The following PRKN variants were observed in gnomAD, a reference collection of about 807,000 sequenced individuals.
The protein encoded by PRKN is E3 ubiquitin-protein ligase parkin.
A neutral mutation model predicts 59.5 loss-of-function variants in PRKN; 56 were observed. That is an observed-to-expected ratio of 0.94 (90% CI 0.76 to 1.18). PRKN has a LOEUF of 1.18. Among genes scored for constraint, PRKN ranks in the 50% most tolerant of loss-of-function variants. The pLI, the probability that PRKN is intolerant of heterozygous loss-of-function variation, is 0.00. For missense variants in PRKN, 657 were observed against 596.4 expected (o/e 1.10, Z -1.06); for synonymous variants, 250 against 222.1 (o/e 1.13, Z -1.12).
At chr6:161,474,686 G>A (rs143190412) in intron 9 of PRKN, among the ~76,000 whole-genome samples, 1,509 of 148,376 alleles carry the variant, frequency 0.01, 20 homozygotes, top group Middle Eastern at 0.026. Flanking sequence ...GCTCCGCCTC[G>A]TGGGTTCACG....
chr6:161,558,537 C>G (rs1562525352), intron 8 of PRKN, among the ~76,000 whole-genome samples: 1 of 150,796 alleles, frequency 6.6e-6, no homozygotes, highest in Non-Finnish European at 1.5e-5. Context: ...TGCACTCTAG[C>G]TTGGGCAACA....
intron 1 of PRKN, among the ~76,000 whole-genome samples, chr6:162,679,042 C>T (rs933850601): frequency 2.6e-5 from 4 of 151,470 alleles, no homozygotes; most frequent in East Asian, 1.9e-4. Context: ...TCCCAAAGTG[C>T]GGGATTACAG....
At chr6:161,970,942 GT>G (rs1224038035) in intron 6 of PRKN, among the ~76,000 whole-genome samples, 1 of 152,130 alleles carries the variant, frequency 6.6e-6, no homozygotes, top group African/African-American at 2.4e-5. Flanking sequence ...CGGAGTGTCC[GT>G]GCAGGCGCTC....
At chr6:161,350,512 A>G (rs933840383) in intron 11 of PRKN, among the ~76,000 whole-genome samples, 2 of 148,420 alleles carry the variant, frequency 1.3e-5, no homozygotes, top group African/African-American at 5.0e-5. Flanking sequence ...CAAACACTTC[A>G]TGTTTCATAG....
chr6:162,298,972 G>T (rs903823282), intron 2 of PRKN, among the ~76,000 whole-genome samples: 1 of 152,196 alleles, frequency 6.6e-6, no homozygotes, highest in South Asian at 2.1e-4. Context: ...TCCAGCCCCC[G>T]CTCTTCCAGG....
chr6:161,955,561 TCCTTGGAGG>T (rs1426806031), intron 6 of PRKN, among the ~76,000 whole-genome samples: 1 of 152,194 alleles, frequency 6.6e-6, no homozygotes, highest in Non-Finnish European at 1.5e-5. Context: ...TATTAAAATT[TCCTTGGAGG>T]CCGGGCACAG....
At chr6:161,803,465 C>T (rs1403073924) in intron 6 of PRKN, among the ~76,000 whole-genome samples, 1 of 152,210 alleles carries the variant, frequency 6.6e-6, no homozygotes, top group Non-Finnish European at 1.5e-5. Context: ...TTCTGAATTC[C>T]TGCCTTTCAC....
At chr6:162,024,456 C>T (rs908673858) in intron 5 of PRKN, among the ~76,000 whole-genome samples, 2 of 152,176 alleles carry the variant, frequency 1.3e-5, no homozygotes, top group African/African-American at 4.8e-5. Flanking sequence ...CTCGGCCTCT[C>T]AAAGTGCTGG....
intron 5 of PRKN, among the ~76,000 whole-genome samples, chr6:162,045,919 C>T (rs1032552704): frequency 6.6e-6 from 1 of 152,242 alleles, no homozygotes; most frequent in African/African-American, 2.4e-5. Context: ...CCATTTGGGT[C>T]TAATGTACCA....
At chr6:162,059,097 G>A (rs1226788141) in intron 4 of PRKN, among the ~76,000 whole-genome samples, 1 of 151,760 alleles carries the variant, frequency 6.6e-6, no homozygotes, top group Non-Finnish European at 1.5e-5. Flanking sequence ...TATCACAGAT[G>A]TTTATTTTTT....
rs1280520974 is a variant in PRKN at position 161,935,805 on chromosome 6, T to C, written c.734+37497A>G. ...ATGTTGAAGAGGAAGCCTGCAGCAA[T>C]AGACCATCCACATCGATTCACAGGT... On this transcript the variant is annotated intron_variant, in intron 6 of 11. Coordinates refer to ENST00000366898, the MANE Select transcript of PRKN (RefSeq NM_004562.3). 3.9e-5 allele frequency among the ~76,000 whole-genome samples: 6 copies of C among 152,262 alleles called. No homozygotes were observed. In the East Asian group the frequency reaches 9.7e-4, roughly 25 times the overall value.
intron 1 of PRKN, among the ~76,000 whole-genome samples, chr6:162,553,394 G>A (rs994022854): frequency 6.7e-6 from 1 of 148,992 alleles, no homozygotes; most frequent in African/African-American, 2.4e-5. Flanking sequence ...AGGAGTGGGA[G>A]GTCTTATTAG....
chr6:162,235,704 G>A (rs1333847760), intron 3 of PRKN, among the ~76,000 whole-genome samples: 1 of 151,858 alleles, frequency 6.6e-6, no homozygotes, highest in Non-Finnish European at 1.5e-5. Flanking sequence ...TCGGAAGGCT[G>A]AGGCAGGAGA....
At chr6:162,532,467 C>CT (rs1778554182) in intron 1 of PRKN, among the ~76,000 whole-genome samples, 1 of 152,096 alleles carries the variant, frequency 6.6e-6, no homozygotes, top group Non-Finnish European at 1.5e-5. Flanking sequence ...TGGGTAGTAT[C>CT]TTTTTTGTGC....
At chr6:161,507,958 A>T (rs1197446075) in intron 9 of PRKN, among the ~76,000 whole-genome samples, 2 of 152,156 alleles carry the variant, frequency 1.3e-5, no homozygotes, top group East Asian at 3.9e-4. Flanking sequence ...TAAATGACCT[A>T]CCTTTTCTGA....
At chr6:162,417,542 CA>C (rs1230042767) in intron 2 of PRKN, among the ~76,000 whole-genome samples, 2 of 152,140 alleles carry the variant, frequency 1.3e-5, no homozygotes, top group Non-Finnish European at 2.9e-5. Flanking sequence ...TTTTCTGATT[CA>C]AAATATGAGT....
intron 3 of PRKN, among the ~76,000 whole-genome samples, chr6:162,214,418 C>A (rs1167505911): frequency 6.6e-6 from 1 of 152,138 alleles, no homozygotes; most frequent in Non-Finnish European, 1.5e-5. Flanking sequence ...GGGATGGCAG[C>A]CACTGGTTAC....
intron 7 of PRKN, among the ~76,000 whole-genome samples, chr6:161,618,298 C>A (rs1217692273): frequency 6.6e-6 from 1 of 152,166 alleles, no homozygotes; most frequent in African/African-American, 2.4e-5. Context: ...CTTTCCCTCT[C>A]CTGACCTTGT....
In PRKN at chr6:161,602,893, T is replaced by C. The variant is rs79845770; in HGVS notation, c.872-33477A>G. Among the ~76,000 whole-genome samples the C allele has an allele frequency of 3.0e-3, 450 of 152,308 alleles. 1 individual carries two copies. The highest frequency in any genetic ancestry group is 0.01 in the African/African-American group (431 of 41,578). On this transcript the variant is annotated intron_variant, in intron 7 of 11. Transcript: ENST00000366898. ...AGAGCCCACAGCTTAGTTGAGGGGA[T>C]ACATAAACAAATATTTAAGTACAGT...
Sources: allele counts gnomAD v4.1 joint callset (sites outside exome capture counted in the v4.1 genomes callset), GRCh38; gene constraint gnomAD v4.1.1; transcripts MANE v1.5; gene names NCBI Gene and HGNC (gene_info 2026-07-23, HGNC 2026-07-21).